SULT2A1: variants seen among roughly 807,000 people sequenced by gnomAD.
The protein encoded by SULT2A1 is sulfotransferase family 2A member 1.
SULT2A1 carries 43 observed loss-of-function variants against 33.9 expected under a neutral mutation model. The observed-to-expected ratio is 1.27, with a 90% CI of 1.00 to 1.64. The LOEUF (loss-of-function observed/expected upper bound fraction) is 1.64, where lower values mean the gene tolerates loss of function less well. SULT2A1 is among the 40% of genes most tolerant of loss of function. The probability of loss-of-function intolerance (pLI) is 0.00; values close to 1 mark genes in which losing one functional copy is unlikely to be tolerated. For missense variants in SULT2A1, 300 were observed against 335.1 expected, an observed-to-expected ratio of 0.90 and a Z score of 0.82; for synonymous variants, 125 against 113.6, an observed-to-expected ratio of 1.10 and a Z score of -0.64.
At chr19:47,874,945 T>C (rs1031210592) in intron 4 of SULT2A1, 111 bp from the exon 5 acceptor site, 2 of 926,140 alleles carry the variant, frequency 2.2e-6, no homozygotes, top group African/African-American at 1.7e-5. Flanking sequence ...TTGGATCACT[T>C]GAGATCAGGA....
At chr19:47,881,270 A>C (rs1342149164) in intron 3 of SULT2A1, among the ~76,000 whole-genome samples, 1 of 152,138 alleles carries the variant, frequency 6.6e-6, no homozygotes, top group Non-Finnish European at 1.5e-5. Flanking sequence ...TCCTGACCCC[A>C]GGTGATCCAC....
intron 4 of SULT2A1, among the ~76,000 whole-genome samples, chr19:47,878,226 G>T (rs1968566440): frequency 1.3e-5 from 2 of 152,202 alleles, no homozygotes; most frequent in South Asian, 2.1e-4. Flanking sequence ...CCCCAGGCTG[G>T]AGTGCAGTGG....
chr19:47,879,155 A>G, intron 3 of SULT2A1, 25 bp from the exon 4 acceptor site: 1 of 1,444,270 alleles, frequency 6.9e-7, no homozygotes, highest in Non-Finnish European at 9.8e-7. Flanking sequence ...AGAAAAAGTG[A>G]TAGGTTACAA....
chr19:47,882,302 G>T, intron 2 of SULT2A1, 92 bp from the exon 3 acceptor site: 1 of 1,449,726 alleles, frequency 6.9e-7, no homozygotes, highest in South Asian at 1.3e-5. Context: ...CCAATTCCTG[G>T]ATAATGCCTA....
At chr19:47,884,826 T>TTC (rs1968640105) in intron 1 of SULT2A1, among the ~76,000 whole-genome samples, 3 of 143,914 alleles carry the variant, frequency 2.1e-5, no homozygotes, top group Admixed American at 1.4e-4. Flanking sequence ...TTTTTTTTTT[T>TTC]TTTTGAGACA....
Position 47,886,151 on chromosome 19 carries a change from T to C in SULT2A1, c.107A>G (p.Asp36Gly). 2 of 1,614,168 alleles carry C rather than the reference T, an allele frequency of 1.2e-6. No homozygotes were observed. The highest frequency in any genetic ancestry group is 1.7e-6 in the Non-Finnish European group (2 of 1,180,032). Residue 36 changes from aspartate to glycine, a missense_variant, in exon 1 of 6, where the codon GAT (aspartate) becomes GGT (glycine). Asp to Gly is a moderately conservative substitution (Grantham distance 94, BLOSUM62 -1). Coordinates refer to ENST00000222002, the MANE Select transcript of SULT2A1 (RefSeq NM_003167.4). Reference sequence around the variant, plus strand: ...TTTGGGGTAAGTCAATATTATTACATCTTCATCCCTTATCACGAACTCATC... The same window carrying C: ...TTTGGGGTAAGTCAATATTATTACACCTTCATCCCTTATCACGAACTCATC... ...VRDEFVIRDEDVIILTYPKSG... is the reference protein window; with the variant it reads ...VRDEFVIRDEGVIILTYPKSG...
intron 4 of SULT2A1, among the ~76,000 whole-genome samples, chr19:47,878,361 G>A (rs1306984690): frequency 6.6e-6 from 1 of 150,904 alleles, no homozygotes; most frequent in Non-Finnish European, 1.5e-5. Context: ...TTTTTCCTTT[G>A]TAGACTGGAG....
chr19:47,877,000 C>G (rs1201295840), intron 4 of SULT2A1, among the ~76,000 whole-genome samples: 1 of 148,560 alleles, frequency 6.7e-6, no homozygotes, highest in Non-Finnish European at 1.5e-5. Context: ...TCGCTTGAAC[C>G]CGAGAGGCGG....
At chr19:47,878,384 G>A (rs571407182) in intron 4 of SULT2A1, among the ~76,000 whole-genome samples, 185 of 151,354 alleles carry the variant, frequency 1.2e-3, no homozygotes, top group African/African-American at 4.1e-3. Flanking sequence ...TTGCTGTTTC[G>A]TAGACTGGAG....
At chr19:47,876,482 A>G (rs1463249100) in intron 4 of SULT2A1, among the ~76,000 whole-genome samples, 1 of 152,208 alleles carries the variant, frequency 6.6e-6, no homozygotes, top group Non-Finnish European at 1.5e-5. Context: ...GTGATCCGAA[A>G]GGAAGATCCC....
intron 3 of SULT2A1, 67 bp downstream of exon 3, chr19:47,882,017 G>A: frequency 3.8e-6 from 6 of 1,592,992 alleles, no homozygotes; most frequent in Non-Finnish European, 5.1e-6. Context: ...GTAGAGATGT[G>A]AGGCTGGGTG....
chr19:47,880,129 C>T (rs1385316823), intron 3 of SULT2A1, among the ~76,000 whole-genome samples: 9 of 140,016 alleles, frequency 6.4e-5, no homozygotes, highest in South Asian at 2.4e-4. Flanking sequence ...CCCAGCTACT[C>T]GGGAGGCTGA....
Position 47,871,657 on chromosome 19 carries a change from T to C in SULT2A1, c.746-90A>G, listed in dbSNP as rs559862922. 1.0e-4 allele frequency: 89 copies of C among 851,466 alleles called. No homozygotes were observed. The African/African-American group carries it at 1.4e-3, about 14-fold the overall frequency. The allele number at this position is 851,466 out of a possible 1,614,324, so 52.7% of individuals were successfully genotyped here. On this transcript the variant is annotated intron_variant, in intron 5 of 5. Transcript: ENST00000222002. Reference sequence around the variant, plus strand: ...CCTGACATGGACATTGTAGCTAACATAGCAGAATGGCCGATGGTTCGTGGT... The same window carrying C: ...CCTGACATGGACATTGTAGCTAACACAGCAGAATGGCCGATGGTTCGTGGT...
chr19:47,886,127 T>G lies in SULT2A1; in HGVS notation c.131A>C (p.Lys44Thr), dbSNP rs1475428758. Residue 44 changes from lysine (K) to threonine (T), a missense_variant, in exon 1 of 6, where the codon AAA becomes ACA. Physicochemically the swap from Lys to Thr is moderately conservative, Grantham distance 78 (BLOSUM62 -1). Coordinates refer to ENST00000222002, the MANE Select transcript of SULT2A1 (RefSeq NM_003167.4). ...DEDVIILTYP[K>T]SGTNWLAEIL... ...TCACGATTCTGCCTCCTTACCTGATTTGGGGTAAGTCAATATTATTACATC... is the reference window on the plus strand; with the variant it reads ...TCACGATTCTGCCTCCTTACCTGATGTGGGGTAAGTCAATATTATTACATC... The G allele has an allele frequency of 1.9e-6, 3 of 1,613,706 alleles. No individual in the cohort carries two copies. The highest frequency in any genetic ancestry group is 2.5e-6 in the Non-Finnish European group (3 of 1,179,900).
intron 4 of SULT2A1, among the ~76,000 whole-genome samples, chr19:47,877,604 C>T (rs1029203336): frequency 3.3e-5 from 5 of 149,700 alleles, no homozygotes; most frequent in African/African-American, 9.8e-5. Flanking sequence ...GCCTAGAGTG[C>T]AGTGGTGTGA....
chr19:47,886,039 C>T, intron 1 of SULT2A1, 83 bp downstream of exon 1: 1 of 1,518,082 alleles, frequency 6.6e-7, no homozygotes, highest in Non-Finnish European at 9.0e-7. Flanking sequence ...CACTGTCTGA[C>T]ATAAAGGAAG....
At chr19:47,881,991 C>T (rs1395759677) in intron 3 of SULT2A1, 93 bp downstream of exon 3, 11 of 1,547,378 alleles carry the variant, frequency 7.1e-6, no homozygotes, top group Non-Finnish European at 9.6e-6. Context: ...CCTTTCAACC[C>T]ATGGGTTGGT....
chr19:47,874,043 C>A (rs1968518631), intron 5 of SULT2A1, among the ~76,000 whole-genome samples: 1 of 152,098 alleles, frequency 6.6e-6, no homozygotes. Context: ...GCAAGGGTTG[C>A]TAGTTAACCT....
At chr19:47,882,295 A>G in intron 2 of SULT2A1, 85 bp from the exon 3 acceptor site, 3 of 1,490,200 alleles carry the variant, frequency 2.0e-6, no homozygotes, top group Admixed American at 2.1e-5. Flanking sequence ...GAAAAAGCCA[A>G]TTCCTGGATA....
Sources: allele counts gnomAD v4.1 joint callset (sites outside exome capture counted in the v4.1 genomes callset), GRCh38; gene constraint gnomAD v4.1.1; transcripts MANE v1.5; gene names NCBI Gene and HGNC (gene_info 2026-07-23, HGNC 2026-07-21).